The following VAMP7 variants were observed in gnomAD, a reference collection of about 807,000 sequenced individuals.
VAMP7 encodes the protein vesicle associated membrane protein 7.
Under a neutral mutation model 29.6 loss-of-function variants are expected in VAMP7, and 14 were observed. The ratio of observed to expected loss-of-function variants is 0.47; its 90% CI spans 0.31 to 0.74. The LOEUF (loss-of-function observed/expected upper bound fraction) is 0.74. VAMP7 is among the 30% of genes least tolerant of loss of function. The pLI is 0.05. For synonymous variants in VAMP7, 95 were observed against 88.1 expected, an observed-to-expected ratio of 1.08 and a Z score of -0.44; for missense variants, 223 against 262.4, an observed-to-expected ratio of 0.85 and a Z score of 1.04.
At chrX:155,905,598 A>C (rs1053103393) in intron 5 of VAMP7, among the ~76,000 whole-genome samples, 1 of 152,178 alleles carries the variant, frequency 6.6e-6, no homozygotes, top group Non-Finnish European at 1.5e-5. Flanking sequence ...TAAAGAAGAG[A>C]TCCAACTTAA....
chrX:155,925,535 T>C (rs2066455458), intron 6 of VAMP7, among the ~76,000 whole-genome samples: 1 of 152,160 alleles, frequency 6.6e-6, no homozygotes, highest in African/African-American at 2.4e-5. Flanking sequence ...CCCAAGGTGG[T>C]CAAAGCCCAG....
intron 7 of VAMP7, among the ~76,000 whole-genome samples, chrX:155,940,489 C>T (rs1223084072): frequency 1.3e-5 from 2 of 152,140 alleles, no homozygotes; most frequent in Non-Finnish European, 2.9e-5. Flanking sequence ...TTGAATGGTT[C>T]CTTGCTCAGG....
chrX:155,883,364 A>G (rs1250637288), intron 1 of VAMP7, among the ~76,000 whole-genome samples: 1 of 152,092 alleles, frequency 6.6e-6, no homozygotes, highest in Non-Finnish European at 1.5e-5. Context: ...CATCCCTCCT[A>G]AAAGGATCTC....
intron 1 of VAMP7, among the ~76,000 whole-genome samples, chrX:155,883,868 G>T (rs2065834659): frequency 6.6e-6 from 1 of 151,220 alleles, no homozygotes; most frequent in African/African-American, 2.4e-5. Context: ...ACACCACCAC[G>T]CCTGACTAAT....
intron 5 of VAMP7, among the ~76,000 whole-genome samples, chrX:155,907,957 G>T (rs774871523): frequency 1.3e-5 from 2 of 151,894 alleles, no homozygotes; most frequent in South Asian, 2.1e-4. Flanking sequence ...CATCTCAGAC[G>T]ATGGGCGGCC....
At chrX:155,887,122 C>T (rs985828340) in intron 1 of VAMP7, among the ~76,000 whole-genome samples, 1 of 152,276 alleles carries the variant, frequency 6.6e-6, no homozygotes. Flanking sequence ...GGCTTCTGGG[C>T]CACCACACTT....
At chrX:155,906,808 T>C (rs1163286201) in intron 5 of VAMP7, among the ~76,000 whole-genome samples, 1 of 152,140 alleles carries the variant, frequency 6.6e-6, no homozygotes, top group Non-Finnish European at 1.5e-5. Flanking sequence ...TCATTTCTTT[T>C]TATTGCTTAT....
At chrX:155,902,915 T>C (rs1317077945) in intron 5 of VAMP7, among the ~76,000 whole-genome samples, 1 of 151,722 alleles carries the variant, frequency 6.6e-6, no homozygotes, top group African/African-American at 2.4e-5. Context: ...CCTCTTTTTC[T>C]ATTGATTGGA....
chrX:155,899,809 A>G (rs763548716), intron 4 of VAMP7, among the ~76,000 whole-genome samples: 1 of 152,128 alleles, frequency 6.6e-6, no homozygotes, highest in South Asian at 2.1e-4. Flanking sequence ...CAAAATCTCT[A>G]CCTGTTCCTT....
At chrX:155,927,437 T>C (rs980748247) in intron 6 of VAMP7, among the ~76,000 whole-genome samples, 155 of 137,890 alleles carry the variant, frequency 1.1e-3, no homozygotes, top group African/African-American at 4.1e-3. Flanking sequence ...AGAAAAATGG[T>C]GCTGATAGTC....
At chrX:155,924,493 C>A (rs1416361097) in intron 6 of VAMP7, among the ~76,000 whole-genome samples, 33 of 152,150 alleles carry the variant, frequency 2.2e-4, no homozygotes, top group Admixed American at 2.2e-3. Context: ...AATCTACTTT[C>A]TGTCTCTGAA....
At position 155,910,589 on chromosome X, in the gene VAMP7, T is replaced by G. The variant is rs1400875530; in HGVS notation, c.434-9224T>G. Among the ~76,000 whole-genome samples, 5 of 151,900 alleles carry G rather than the reference T, an allele frequency of 3.3e-5. No individual in the cohort carries two copies. In the East Asian group the frequency reaches 7.7e-4, roughly 23 times the overall value. On this transcript the variant is annotated intron_variant, in intron 5 of 7. Coordinates refer to ENST00000286448, the MANE Select transcript of VAMP7 (RefSeq NM_005638.6). ...TTCCCACCAACAGTGTGTAAGTGTT[T>G]TTTTTTTTTTTCCTTATACTAGCCA...
intron 5 of VAMP7, among the ~76,000 whole-genome samples, chrX:155,919,034 C>T (rs1209801831): frequency 6.6e-6 from 1 of 152,070 alleles, no homozygotes; most frequent in Non-Finnish European, 1.5e-5. Context: ...TGTTGGCCTG[C>T]AGTTTTGTTT....
At chrX:155,929,949 T>C (rs918009441) in intron 6 of VAMP7, among the ~76,000 whole-genome samples, 6 of 152,202 alleles carry the variant, frequency 3.9e-5, no homozygotes, top group Non-Finnish European at 8.8e-5. Flanking sequence ...AGCACTATTA[T>C]ACTCACAGTT....
chrX:155,943,510 A>G lies in VAMP7; in HGVS notation c.*1559A>G, dbSNP rs1487262104. The stretch of plus-strand genomic sequence containing the variant: ...CCTCTTAATTGCATCAGTATTTCCT[A>G]TTGGAAAATACATCTGTTCCAGAAA... On this transcript the variant is annotated 3_prime_UTR_variant, in exon 8 of 8. Transcript: ENST00000286448. 1.3e-5 allele frequency: 2 copies of G among 152,414 alleles called. No homozygotes were observed. Among genetic ancestry groups the G allele is most frequent in the Non-Finnish European group, 2.9e-5 (2 of 68,016 alleles). 9.4% of individuals were successfully genotyped at this position (152,414 alleles called of 1,614,324 possible). A position where few individuals can be genotyped will look rare whatever the true frequency, so the allele number is the denominator to read the frequency against.
intron 1 of VAMP7, among the ~76,000 whole-genome samples, chrX:155,883,771 C>T (rs986502023): frequency 5.7e-4 from 83 of 145,652 alleles, no homozygotes; most frequent in Non-Finnish European, 9.8e-4. Flanking sequence ...AGTGCAGCGG[C>T]GCGATCTCGG....
intron 6 of VAMP7, among the ~76,000 whole-genome samples, chrX:155,939,284 TTCC>T (rs2066708667): frequency 2.0e-5 from 3 of 152,180 alleles, no homozygotes; most frequent in Admixed American, 2.0e-4. Flanking sequence ...AATACATATC[TTCC>T]TACAGAAATC....
intron 6 of VAMP7, among the ~76,000 whole-genome samples, chrX:155,930,941 ATGAG>A (rs1279598525): frequency 6.6e-6 from 1 of 151,956 alleles, no homozygotes; most frequent in Non-Finnish European, 1.5e-5. Context: ...GTTCCCACCT[ATGAG>A]TGAGAACATG....
chrX:155,927,006 C>A (rs1316824278), intron 6 of VAMP7, among the ~76,000 whole-genome samples: 4 of 152,118 alleles, frequency 2.6e-5, no homozygotes, highest in Non-Finnish European at 2.9e-5. Context: ...AAAACAATCA[C>A]AATAGTAACA....
Sources: gnomAD v4.1 joint callset for allele counts (sites outside exome capture counted in the v4.1 genomes callset) on GRCh38, gnomAD v4.1.1 for gene constraint, MANE v1.5 for transcripts, NCBI Gene and HGNC (gene_info 2026-07-23, HGNC 2026-07-21) for gene names.